The following SLC6A12 variants were observed in gnomAD, a reference collection of about 807,000 sequenced individuals.
SLC6A12 encodes the protein solute carrier family 6 member 12.
Under a neutral mutation model 73.3 loss-of-function variants are expected in SLC6A12, and 50 were observed. That is an observed-to-expected ratio of 0.68 (90% confidence interval 0.54 to 0.86). SLC6A12 has a LOEUF of 0.86. Ranked by LOEUF, SLC6A12 falls within the 40% of genes least tolerant of loss-of-function variation. SLC6A12 has a pLI of 0.00. For synonymous variants in SLC6A12, 304 were observed against 309.2 expected (o/e 0.98, Z 0.18); for missense variants, 648 against 772.8 (o/e 0.84, Z 1.92).
intron 5 of SLC6A12, 134 bp downstream of exon 5, chr12:202,606 T>G (rs750151162): frequency 2.2e-5 from 18 of 828,508 alleles, no homozygotes; most frequent in Non-Finnish European, 3.3e-5. Context: ...GGAGCAGAGC[T>G]GCCCAGGAGC....
chr12:200,829 G>A, intron 6 of SLC6A12, 46 bp from the exon 7 acceptor site: 1 of 1,587,160 alleles, frequency 6.3e-7, no homozygotes, highest in Non-Finnish European at 8.6e-7. Flanking sequence ...GGCTAAAGGG[G>A]ACAGTTTGCG....
intron 9 of SLC6A12, 130 bp downstream of exon 9, chr12:197,770 C>G: frequency 1.4e-6 from 1 of 695,018 alleles, no homozygotes; most frequent in Non-Finnish European, 2.4e-6. Flanking sequence ...GAAAGGAACC[C>G]ATAAGTTCAG....
Position 198,981 on chromosome 12 carries a change from C to T in SLC6A12, c.712-50G>A, listed in dbSNP as rs769212905. 9.4e-6 allele frequency: 15 copies of T among 1,602,804 alleles called. No homozygotes were observed. The African/African-American group carries it at 1.7e-4, about 19-fold the overall frequency. ...GTCACTCCTGGTGGGGACGCAGTGG[C>T]CCTCCAGCCACGCCCCACAGGCAGC... On this transcript the variant is annotated intron_variant, in intron 7 of 15. Transcript: ENST00000684302. The surrounding 1 kb of genome is among the most constrained non-coding windows in gnomAD (Gnocchi z 4.0).
At chr12:187,589 C>CAAAAGAGCAAAAGAGCAAAAAAAAAAAA (rs1939453849), downstream of SLC6A12, among the ~76,000 whole-genome samples, 4 of 106,070 alleles carry the variant, frequency 3.8e-5, no homozygotes, top group African/African-American at 2.1e-4. Flanking sequence ...TGCAAAAGAG[C>CAAAAGAGCAAAAGAGCAAAAAAAAAAAA]AAAAAAAAAA....
At chr12:196,743 AG>A (rs756570383) in intron 11 of SLC6A12, 26 bp downstream of exon 11, 5 of 1,527,982 alleles carry the variant, frequency 3.3e-6, no homozygotes, top group African/African-American at 2.7e-5. Flanking sequence ...TCACCACGGC[AG>A]GGCAGGCTGG....
chr12:204,832 G>C, intron 3 of SLC6A12, 134 bp from the exon 4 acceptor site: 1 of 967,210 alleles, frequency 1.0e-6, no homozygotes, highest in Non-Finnish European at 1.6e-6. Context: ...ACTTTCCAAG[G>C]GCCCACTCCT....
chr12:209,541 C>A (rs522993), intron 3 of SLC6A12, among the ~76,000 whole-genome samples: 8,471 of 152,276 alleles, frequency 0.056, 725 homozygotes, highest in African/African-American at 0.18. Context: ...ATTTCTTGGT[C>A]CTGCCCATTG....
chr12:193,399 G>A (rs773797327), intron 13 of SLC6A12, 22 bp from the exon 14 acceptor site: 11 of 1,568,722 alleles, frequency 7.0e-6, no homozygotes, highest in Non-Finnish European at 9.7e-6. Context: ...TGGCGTGGGA[G>A]AGTGTGAGAG....
At chr12:194,425 C>A (rs1014900141) in intron 13 of SLC6A12, among the ~76,000 whole-genome samples, 3 of 152,242 alleles carry the variant, frequency 2.0e-5, no homozygotes, top group African/African-American at 7.2e-5. Context: ...AACCTTGTGA[C>A]ATTGGCACTG....
intron 1 of SLC6A12, among the ~76,000 whole-genome samples, chr12:212,907 G>A (rs1940963017): frequency 6.6e-6 from 1 of 152,126 alleles, no homozygotes; most frequent in Admixed American, 6.5e-5. Flanking sequence ...GTGAGGGGTG[G>A]GGGATGGGCC....
downstream of SLC6A12, among the ~76,000 whole-genome samples, chr12:186,892 G>A (rs1939441064): frequency 6.6e-6 from 1 of 152,192 alleles, no homozygotes; most frequent in Non-Finnish European, 1.5e-5. Flanking sequence ...TGGTAACCCT[G>A]CTACCACCAC....
rs140264520 is a variant in SLC6A12 at position 213,082 on chromosome 12, G to T, written c.-143+840C>A. Reference sequence around the variant, plus strand: ...CCCAGCTGGGGCTAGCAGAGGTGCAGACGAGACCAGAAATGCTGCTGCCCA... The same window carrying T: ...CCCAGCTGGGGCTAGCAGAGGTGCATACGAGACCAGAAATGCTGCTGCCCA... On this transcript the variant is annotated intron_variant, in intron 1 of 15. Transcript: ENST00000684302. This position sits in a 1 kb window ranked among gnomAD's most constrained non-coding sequence, Gnocchi z 5.3. 2.0e-3 allele frequency among the ~76,000 whole-genome samples: 305 copies of T among 152,304 alleles called. 1 individual carries two copies. The highest frequency in any genetic ancestry group is 7.1e-3 in the African/African-American group (294 of 41,556).
At chr12:193,426 G>A in intron 13 of SLC6A12, 49 bp from the exon 14 acceptor site, 3 of 1,415,846 alleles carry the variant, frequency 2.1e-6, no homozygotes, top group Non-Finnish European at 3.0e-6. Context: ...GGTGAGAACA[G>A]CTTCCCGGTG....
rs201403020 is a variant in SLC6A12 at position 193,374 on chromosome 12, G to A, written c.1433C>T (p.Ala478Val). 389 of 1,612,806 alleles carry A rather than the reference G, an allele frequency of 2.4e-4. No individual in the cohort carries two copies. Among genetic ancestry groups the A allele is most frequent in the Admixed American group, 9.2e-4 (55 of 60,012 alleles). ...CTCAATGTTGTCATAGAAACGGTCC[G>A]CCCCTGAGCAGGCATGGCGTGGGAG... Reference protein sequence around the residue: ...EVVCISWVYGADRFYDNIEDM... With the variant: ...EVVCISWVYGVDRFYDNIEDM... Residue 478 changes from alanine (A) to valine (V), a missense_variant, in exon 14 of 16, where the codon GCG becomes GTG. Transcript: ENST00000684302.
chr12:208,386 T>G (rs1384379123), intron 3 of SLC6A12, among the ~76,000 whole-genome samples: 1 of 152,130 alleles, frequency 6.6e-6, no homozygotes, highest in African/African-American at 2.4e-5. Context: ...TTAAAACACA[T>G]AGCAAGATAC....
chr12:200,123 T>G (rs1462488829), intron 7 of SLC6A12, among the ~76,000 whole-genome samples: 1 of 148,670 alleles, frequency 6.7e-6, no homozygotes, highest in Non-Finnish European at 1.5e-5. Context: ...TTTTTTTTTT[T>G]TTTTTGAGAC....
In SLC6A12 at chr12:204,699, C is replaced by G; in HGVS notation, c.215-1G>C. The stretch of plus-strand genomic sequence containing the variant: ...ATGAAGTAGGGGATGAAGAAGGCTC[C>G]TGCAGAAGAGAGAGAGGCAGGGCTG... On this transcript the variant is annotated splice_acceptor_variant, in intron 3 of 15. Transcript: ENST00000684302. LOFTEE classifies it high-confidence loss of function. 6.2e-7 allele frequency: 1 copy of G among 1,613,976 alleles called. No individual in the cohort carries two copies.
chr12:202,479 A>G (rs1047534417), intron 5 of SLC6A12, among the ~76,000 whole-genome samples: 6 of 152,200 alleles, frequency 3.9e-5, no homozygotes, highest in Non-Finnish European at 8.8e-5. Context: ...GTGCTTGTTA[A>G]GCGCACAAAT....
chr12:201,730 C>T (rs771278327), intron 6 of SLC6A12, 32 bp downstream of exon 6: 7 of 1,558,786 alleles, frequency 4.5e-6, no homozygotes, highest in Non-Finnish European at 6.2e-6. Context: ...CAAATTTCCT[C>T]TTCATATGTG....
Sources: gnomAD v4.1 joint callset for allele counts (sites outside exome capture counted in the v4.1 genomes callset) on GRCh38, gnomAD v4.1.1 for gene constraint, Gnocchi (gnomAD v3.1) non-coding constraint, MANE v1.5 for transcripts, NCBI Gene and HGNC (gene_info 2026-07-23, HGNC 2026-07-21) for gene names.